CNTNAP2: variants seen among roughly 807,000 people sequenced by gnomAD.
CNTNAP2 encodes the protein contactin-associated protein-like 2.
Under a neutral mutation model 155.2 loss-of-function variants are expected in CNTNAP2, and 98 were observed. The observed-to-expected ratio is 0.63, with a 90% CI of 0.54 to 0.75. The LOEUF (loss-of-function observed/expected upper bound fraction) is 0.75, where lower values mean the gene tolerates loss of function less well. CNTNAP2 is among the 30% of genes least tolerant of loss of function. The probability of loss-of-function intolerance (pLI) is 0.00; values close to 1 mark genes in which losing one functional copy is unlikely to be tolerated. For missense variants in CNTNAP2, 1,727 were observed against 1,688.1 expected, an observed-to-expected ratio of 1.02 and a Z score of -0.40; for synonymous variants, 651 against 631.2, an observed-to-expected ratio of 1.03 and a Z score of -0.47.
intron 8 of CNTNAP2, among the ~76,000 whole-genome samples, chr7:147,143,983 C>A (rs1801650657): frequency 1.3e-5 from 2 of 151,930 alleles, no homozygotes; most frequent in South Asian, 2.1e-4. Context: ...TAGTTTTATT[C>A]TTTTCTTCAG....
intron 1 of CNTNAP2, among the ~76,000 whole-genome samples, chr7:146,608,725 G>T (rs1186162612): frequency 3.3e-5 from 5 of 151,792 alleles, no homozygotes; most frequent in Non-Finnish European, 7.4e-5. Flanking sequence ...TATTTTTAAG[G>T]CTTTTGGTAT....
At chr7:148,221,417 C>T (rs1017248765) in intron 19 of CNTNAP2, among the ~76,000 whole-genome samples, 2 of 152,046 alleles carry the variant, frequency 1.3e-5, no homozygotes, top group African/African-American at 4.8e-5. Flanking sequence ...CCCAAAGCTC[C>T]CCACCGGCTG....
Position 146,116,837 on chromosome 7 carries a change from G to A in CNTNAP2, c.-40G>A. The A allele has an allele frequency of 6.7e-7, 1 of 1,498,450 alleles. No homozygotes were observed. The highest frequency in any genetic ancestry group is 2.0e-5 in the Admixed American group (1 of 50,490). The allele number at this position is 1,498,450 out of a possible 1,614,324, so 92.8% of individuals were successfully genotyped here. A position where few individuals can be genotyped will look rare whatever the true frequency, so the allele number is the denominator to read the frequency against. ...CTACGGAGAGTCGGACTGCATCTCCGCAGCGAGCTCTTGGAGCGCCGCCGG... is the reference window on the plus strand; with the variant it reads ...CTACGGAGAGTCGGACTGCATCTCCACAGCGAGCTCTTGGAGCGCCGCCGG... On this transcript the variant is annotated 5_prime_UTR_variant, in exon 1 of 24. Coordinates refer to ENST00000361727, the MANE Select transcript of CNTNAP2 (RefSeq NM_014141.6). The surrounding 1 kb of genome is among the most constrained non-coding windows in gnomAD (Gnocchi z 5.5).
chr7:147,416,344 A>T, intron 10 of CNTNAP2, among the ~76,000 whole-genome samples: 1 of 152,344 alleles, frequency 6.6e-6, no homozygotes, highest in Non-Finnish European at 1.5e-5. Flanking sequence ...AGAAAGAGAA[A>T]TAAACCACAA....
intron 13 of CNTNAP2, among the ~76,000 whole-genome samples, chr7:147,900,117 G>T (rs568693055): frequency 6.6e-6 from 1 of 152,144 alleles, no homozygotes; most frequent in African/African-American, 2.4e-5. Flanking sequence ...GATGGTGCTG[G>T]CCCCTCTGCT....
chr7:146,552,645 T>C (rs1798139413), intron 1 of CNTNAP2, among the ~76,000 whole-genome samples: 1 of 152,054 alleles, frequency 6.6e-6, no homozygotes, highest in Admixed American at 6.6e-5. Flanking sequence ...ACTTTCCTTC[T>C]CTCTTAGAGT....
rs566048347 is a variant in CNTNAP2 at position 147,323,900 on chromosome 7, T to C, written c.1498+23610T>C. Among the ~76,000 whole-genome samples, 42 of 148,388 alleles carry C rather than the reference T, an allele frequency of 2.8e-4. No homozygotes were observed. In the South Asian group the frequency reaches 8.4e-3, roughly 30 times the overall value. On this transcript the variant is annotated intron_variant, in intron 9 of 23. Coordinates refer to ENST00000361727, the MANE Select transcript of CNTNAP2 (RefSeq NM_014141.6). ...TTCAATAAATTTCTTGCCTTTAATT[T>C]GAGAGAAAAATGGACCATTTCCCAA...
intron 14 of CNTNAP2, among the ~76,000 whole-genome samples, chr7:147,914,899 A>C (rs949310655): frequency 2.0e-5 from 3 of 152,182 alleles, no homozygotes; most frequent in Non-Finnish European, 4.4e-5. Flanking sequence ...ACATGCATAC[A>C]TAATTTCTAG....
intron 1 of CNTNAP2, among the ~76,000 whole-genome samples, chr7:146,595,041 G>T (rs954114971): frequency 6.6e-6 from 1 of 152,042 alleles, no homozygotes; most frequent in African/African-American, 2.4e-5. Flanking sequence ...TGATGGATAT[G>T]TTTAACCACT....
chr7:146,624,358 A>G (rs997655010), intron 1 of CNTNAP2, among the ~76,000 whole-genome samples: 1 of 152,014 alleles, frequency 6.6e-6, no homozygotes, highest in African/African-American at 2.4e-5. Flanking sequence ...TTCTAAGTAT[A>G]GTTTTTTAAA....
At chr7:146,901,218 T>C (rs749775589) in intron 3 of CNTNAP2, among the ~76,000 whole-genome samples, 13 of 152,152 alleles carry the variant, frequency 8.5e-5, no homozygotes, top group Non-Finnish European at 1.8e-4. Flanking sequence ...AATAATTCTC[T>C]AGTGTGCTTA....
At chr7:147,807,644 T>C (rs1397813070) in intron 13 of CNTNAP2, among the ~76,000 whole-genome samples, 1 of 152,204 alleles carries the variant, frequency 6.6e-6, no homozygotes, top group Non-Finnish European at 1.5e-5. Flanking sequence ...AAGCACCTGC[T>C]GTATACTAAA....
chr7:147,136,176 TG>T, intron 8 of CNTNAP2, among the ~76,000 whole-genome samples: 1 of 152,026 alleles, frequency 6.6e-6, no homozygotes, highest in East Asian at 1.9e-4. Context: ...TTTATTATAG[TG>T]GGGAGAAAGT....
chr7:148,061,623 G>C (rs1290718638), intron 15 of CNTNAP2, among the ~76,000 whole-genome samples: 1 of 151,882 alleles, frequency 6.6e-6, no homozygotes, highest in African/African-American at 2.4e-5. Context: ...CCAAAATACT[G>C]TGATTACAGG....
Position 146,591,710 on chromosome 7 carries a change from A to G in CNTNAP2, c.98-182561A>G, listed in dbSNP as rs372692499. 2.0e-5 allele frequency among the ~76,000 whole-genome samples: 3 copies of G among 152,120 alleles called. 1 individual carries two copies. The highest frequency in any genetic ancestry group is 4.4e-5 in the Non-Finnish European group (3 of 68,026). On this transcript the variant is annotated intron_variant, in intron 1 of 23. Transcript: ENST00000361727. ...TTTGTGATGAAGTGTTCCCCAAGTT[A>G]TGCTTTTATCTTCTTTGTGTCCATC...
chr7:146,348,114 G>A (rs1400038881), intron 1 of CNTNAP2, among the ~76,000 whole-genome samples: 3 of 152,134 alleles, frequency 2.0e-5, no homozygotes, highest in South Asian at 2.1e-4. Flanking sequence ...TTCCACACTG[G>A]CTTTTAATAA....
intron 5 of CNTNAP2, among the ~76,000 whole-genome samples, chr7:147,113,948 T>C (rs1311170052): frequency 6.6e-6 from 1 of 152,220 alleles, no homozygotes; most frequent in Non-Finnish European, 1.5e-5. Flanking sequence ...GATGTGGGCA[T>C]TTAGGGCCAC....
chr7:146,768,910 C>T (rs1462276318), intron 1 of CNTNAP2, among the ~76,000 whole-genome samples: 2 of 152,120 alleles, frequency 1.3e-5, no homozygotes, highest in Non-Finnish European at 2.9e-5. Context: ...GTGTCAATTA[C>T]GTATATTCTG....
At chr7:146,332,678 A>T (rs1801206077) in intron 1 of CNTNAP2, among the ~76,000 whole-genome samples, 1 of 152,174 alleles carries the variant, frequency 6.6e-6, no homozygotes, top group Non-Finnish European at 1.5e-5. Context: ...TTGTCTATAA[A>T]CAATGATCAC....
Sources: allele counts gnomAD v4.1 joint callset (sites outside exome capture counted in the v4.1 genomes callset), GRCh38; gene constraint gnomAD v4.1.1; non-coding constraint Gnocchi (gnomAD v3.1); transcripts MANE v1.5; gene names NCBI Gene and HGNC (gene_info 2026-07-23, HGNC 2026-07-21).